Variants in PDE11A observed in about 807,000 individuals in gnomAD.
PDE11A encodes phosphodiesterase 11A.
A neutral mutation model predicts 100.5 loss-of-function variants in PDE11A; 100 were observed. The ratio of observed to expected loss-of-function variants is 1.00; its 90% CI spans 0.85 to 1.18. The LOEUF is 1.18. Ranked by LOEUF, PDE11A falls within the 50% of genes most tolerant of loss-of-function variation. The probability of loss-of-function intolerance (pLI) is 0.00; values close to 1 mark genes in which losing one functional copy is unlikely to be tolerated. For missense variants in PDE11A, 1,141 were observed against 1,152.6 expected (o/e 0.99, Z 0.15); for synonymous variants, 381 against 420.8 (o/e 0.91, Z 1.16).
intron 16 of PDE11A, among the ~76,000 whole-genome samples, chr2:177,676,544 A>AG (rs1239951786): frequency 6.6e-6 from 1 of 151,250 alleles, no homozygotes; most frequent in Non-Finnish European, 1.5e-5. Context: ...GTCCCCCCAC[A>AG]GGAAACCCCT....
chr2:178,082,573 G>C (rs1447910702), intron 2 of PDE11A, among the ~76,000 whole-genome samples: 1 of 152,200 alleles, frequency 6.6e-6, no homozygotes, highest in Non-Finnish European at 1.5e-5. Flanking sequence ...ATGCTTAGCA[G>C]GGTGGCCAAA....
intron 4 of PDE11A, among the ~76,000 whole-genome samples, chr2:177,891,977 T>C (rs1332619125): frequency 6.6e-6 from 1 of 152,226 alleles, no homozygotes; most frequent in Non-Finnish European, 1.5e-5. Context: ...AAATTACATG[T>C]TAACTTGTAC....
At chr2:177,902,955 C>T (rs985427163) in intron 3 of PDE11A, among the ~76,000 whole-genome samples, 3 of 152,190 alleles carry the variant, frequency 2.0e-5, no homozygotes, top group African/African-American at 7.2e-5. Flanking sequence ...TTATTATCTC[C>T]AGGGAGGCCA....
intron 4 of PDE11A, among the ~76,000 whole-genome samples, chr2:177,893,167 T>C (rs975138172): frequency 2.8e-4 from 42 of 152,318 alleles, no homozygotes; most frequent in African/African-American, 1.0e-3. Context: ...AGTCTAGGGC[T>C]TCATCTATTC....
chr2:177,942,400 A>T (rs938280765), intron 2 of PDE11A, among the ~76,000 whole-genome samples: 6 of 74,716 alleles, frequency 8.0e-5, no homozygotes, highest in South Asian at 6.6e-4. Flanking sequence ...ATTATTTTTT[A>T]AAATTATTTT....
At position 178,010,861 on chromosome 2, in the gene PDE11A, T is replaced by C. The variant is rs527723391; in HGVS notation, c.1071+3441A>G. ...ACACCCAAGTAAAAGAGTATGTGTATTAATAAGGCAAGAGATTCATGAACT... is the reference window on the plus strand; with the variant it reads ...ACACCCAAGTAAAAGAGTATGTGTACTAATAAGGCAAGAGATTCATGAACT... On this transcript the variant is annotated intron_variant, in intron 2 of 19. Coordinates refer to ENST00000286063, the MANE Select transcript of PDE11A (RefSeq NM_016953.4). Among the ~76,000 whole-genome samples, 4 of 152,318 alleles carry C rather than the reference T, an allele frequency of 2.6e-5. No homozygotes were observed. In the South Asian group the frequency reaches 8.3e-4, roughly 32 times the overall value.
intron 1 of PDE11A, among the ~76,000 whole-genome samples, chr2:178,030,077 C>T (rs1027942396): frequency 1.3e-5 from 2 of 151,816 alleles, no homozygotes; most frequent in Non-Finnish European, 1.5e-5. Flanking sequence ...TCTGTTATAG[C>T]AGCACAAAAC....
intron 7 of PDE11A, among the ~76,000 whole-genome samples, chr2:177,819,896 G>GTCTC (rs2083108833): frequency 1.2e-5 from 1 of 84,876 alleles, no homozygotes; most frequent in African/African-American, 4.4e-5. Flanking sequence ...CTCTCTCTCT[G>GTCTC]TCTCTGTCTC....
chr2:177,681,868 T>C (rs12466205), intron 15 of PDE11A, among the ~76,000 whole-genome samples: 95,025 of 152,122 alleles, frequency 0.62, 32,324 homozygotes, highest in Admixed American at 0.74. Context: ...CAGCAGGCCC[T>C]AAAAGAAATC....
intron 2 of PDE11A, among the ~76,000 whole-genome samples, chr2:177,994,564 T>C (rs2086046659): frequency 6.6e-6 from 1 of 152,246 alleles, no homozygotes; most frequent in African/African-American, 2.4e-5. Context: ...CTGTGTTTTA[T>C]ATACTGATCC....
At chr2:178,086,935 A>G (rs2087365208) in intron 2 of PDE11A, among the ~76,000 whole-genome samples, 1 of 152,206 alleles carries the variant, frequency 6.6e-6, no homozygotes, top group Non-Finnish European at 1.5e-5. Flanking sequence ...TATCTACCCA[A>G]AGGAAAAGAA....
At chr2:177,926,061 A>G (rs1032124852) in intron 2 of PDE11A, among the ~76,000 whole-genome samples, 4 of 150,538 alleles carry the variant, frequency 2.7e-5, no homozygotes, top group Admixed American at 6.6e-5. Flanking sequence ...TCAACTTAGC[A>G]AGATAATAAA....
chr2:177,799,021 G>A lies in PDE11A; in HGVS notation c.1737+17808C>T, dbSNP rs531809621. On this transcript the variant is annotated intron_variant, in intron 9 of 19. Transcript: ENST00000286063. ...TTTTGATAGTATGTCCCCTTGATAT[G>A]ATGTGATTAAAATGGCACTTAACCT... Among the ~76,000 whole-genome samples the A allele has an allele frequency of 3.3e-5, 5 of 152,262 alleles. No homozygotes were observed. The South Asian group carries it at 8.3e-4, about 25-fold the overall frequency.
chr2:177,856,696 G>A (rs1264395678), intron 5 of PDE11A, among the ~76,000 whole-genome samples: 1 of 151,852 alleles, frequency 6.6e-6, no homozygotes, highest in African/African-American at 2.4e-5. Flanking sequence ...GTTTGAAAAG[G>A]CAGAAAAAAG....
Position 177,905,295 on chromosome 2 carries a change from G to A in PDE11A, c.1072-108C>T, listed in dbSNP as rs973902910. On this transcript the variant is annotated intron_variant, in intron 2 of 19. Transcript: ENST00000286063. ...TATGCCTGATTGTAATACTTTATTT[G>A]CATCTATAGAGATTGAATACAGAGA... 14 of 645,104 alleles carry A rather than the reference G, an allele frequency of 2.2e-5. No homozygotes were observed. The African/African-American group carries it at 2.5e-4, about 12-fold the overall frequency. 40.0% of individuals were successfully genotyped at this position (645,104 alleles called of 1,614,324 possible).
At position 177,627,369 on chromosome 2, in the gene PDE11A, A is replaced by G. The variant is rs2079852992; in HGVS notation, c.*2038T>C. 1 of 151,686 alleles carries G rather than the reference A, an allele frequency of 6.6e-6. No homozygotes were observed. Among genetic ancestry groups the G allele is most frequent in the Non-Finnish European group, 1.5e-5 (1 of 67,904 alleles). The allele number at this position is 151,686 out of a possible 1,614,324, so 9.4% of individuals were successfully genotyped here. ...TCTTTTACTTTGTTTCTTGCCATAA[A>G]GAGTCTTTTTCTCTACAATTACCTG... On this transcript the variant is annotated 3_prime_UTR_variant, in exon 20 of 20. Transcript: ENST00000286063.
rs565501421 is a variant in PDE11A, at chr2:177,765,144, A to C, written c.1788+4179T>G. Among the ~76,000 whole-genome samples the C allele has an allele frequency of 2.6e-5, 4 of 152,306 alleles. No homozygotes were observed. The South Asian group carries it at 8.3e-4, about 32-fold the overall frequency. On this transcript the variant is annotated intron_variant, in intron 10 of 19. Transcript: ENST00000286063. ...CCTCAAGGAAATTTTTCCCAACAGA[A>C]GTAATAGGGTTATCAGAACAAAACA...
chr2:177,787,497 C>A (rs1005235176), intron 9 of PDE11A, among the ~76,000 whole-genome samples: 38 of 151,414 alleles, frequency 2.5e-4, no homozygotes, highest in Non-Finnish European at 5.2e-4. Flanking sequence ...GCAAATTAAC[C>A]AGCTAACATC....
At chr2:177,646,525 G>C (rs1416658074) in intron 19 of PDE11A, among the ~76,000 whole-genome samples, 1 of 152,186 alleles carries the variant, frequency 6.6e-6, no homozygotes, top group African/African-American at 2.4e-5. Flanking sequence ...AAGAGCCAAA[G>C]TTTACATGGT....
Sources: allele counts gnomAD v4.1 joint callset (sites outside exome capture counted in the v4.1 genomes callset), GRCh38; gene constraint gnomAD v4.1.1; transcripts MANE v1.5; gene names NCBI Gene and HGNC (gene_info 2026-07-23, HGNC 2026-07-21).